KSR1: variants seen among roughly 807,000 people sequenced by gnomAD.
The protein encoded by KSR1 is kinase suppressor of ras.
Under a neutral mutation model 92.9 loss-of-function variants are expected in KSR1, and 35 were observed. That is an observed-to-expected ratio of 0.38 (90% CI 0.29 to 0.50). The LOEUF (loss-of-function observed/expected upper bound fraction) is 0.50. Ranked by LOEUF, KSR1 falls within the 20% of genes least tolerant of loss-of-function variation. KSR1 has a pLI of 0.94. For synonymous variants in KSR1, 467 were observed against 472.6 expected, an observed-to-expected ratio of 0.99 and a Z score of 0.15; for missense variants, 972 against 1,158.5, an observed-to-expected ratio of 0.84 and a Z score of 2.34.
At chr17:27,520,563 C>G (rs562837646) in intron 1 of KSR1, among the ~76,000 whole-genome samples, 17 of 152,358 alleles carry the variant, frequency 1.1e-4, no homozygotes, top group Non-Finnish European at 1.6e-4. Flanking sequence ...AAATAAAATG[C>G]TAATCGTGCC....
At chr17:27,530,496 A>C (rs1362820188) in intron 1 of KSR1, among the ~76,000 whole-genome samples, 2 of 151,880 alleles carry the variant, frequency 1.3e-5, no homozygotes, top group Admixed American at 1.3e-4. Context: ...AGCAAAGCCG[A>C]CCTTAGTGGT....
At chr17:27,565,626 T>C (rs753942277) in intron 2 of KSR1, among the ~76,000 whole-genome samples, 3 of 152,176 alleles carry the variant, frequency 2.0e-5, no homozygotes, top group Non-Finnish European at 4.4e-5. Context: ...GCTTTTGCCA[T>C]GTTGCCCAGG....
At chr17:27,547,827 C>T (rs541119345) in intron 1 of KSR1, among the ~76,000 whole-genome samples, 17 of 152,308 alleles carry the variant, frequency 1.1e-4, no homozygotes, top group African/African-American at 3.6e-4. Context: ...ATTCTCCTGC[C>T]TCAGCCTCCC....
intron 1 of KSR1, among the ~76,000 whole-genome samples, chr17:27,526,010 T>TTCTTTTCTTTTCTTTTCTTA (rs2070252245): frequency 1.0e-5 from 1 of 97,040 alleles, no homozygotes; most frequent in Non-Finnish European, 1.9e-5. Context: ...TTCTTTTCTT[T>TTCTTTTCTTTTCTTTTCTTA]TCTTTTCTTT....
chr17:27,507,461 TTTTATA>T (rs1555572032), intron 1 of KSR1, among the ~76,000 whole-genome samples: 1 of 151,852 alleles, frequency 6.6e-6, no homozygotes, highest in Non-Finnish European at 1.5e-5. Flanking sequence ...ATTTTTAATG[TTTTATA>T]TTTATTTTTG....
intron 9 of KSR1, among the ~76,000 whole-genome samples, chr17:27,593,672 G>A (rs1427429244): frequency 2.6e-5 from 4 of 152,156 alleles, no homozygotes; most frequent in African/African-American, 7.2e-5. Context: ...CCTGCCTCTC[G>A]TTTCCCTCTG....
At chr17:27,505,665 G>T (rs2069353093) in intron 1 of KSR1, among the ~76,000 whole-genome samples, 2 of 152,200 alleles carry the variant, frequency 1.3e-5, no homozygotes, top group South Asian at 4.1e-4. Context: ...GAGAGTTATT[G>T]TGCGTCTTAA....
chr17:27,598,182 C>T (rs2073415281), intron 10 of KSR1, among the ~76,000 whole-genome samples: 1 of 152,218 alleles, frequency 6.6e-6, no homozygotes, highest in Admixed American at 6.5e-5. Flanking sequence ...CCTCGGCCTC[C>T]CTGGCAGCTC....
chr17:27,513,512 G>C (rs1338621136), intron 1 of KSR1, among the ~76,000 whole-genome samples: 1 of 152,148 alleles, frequency 6.6e-6, no homozygotes, highest in African/African-American at 2.4e-5. Flanking sequence ...CACTTGTGTT[G>C]GGTGTACCTG....
chr17:27,496,208 T>G (rs1284344339), intron 1 of KSR1, among the ~76,000 whole-genome samples: 1 of 151,878 alleles, frequency 6.6e-6, no homozygotes, highest in East Asian at 1.9e-4. Flanking sequence ...CCGGGTGGCG[T>G]TTTTGTGTTT....
At chr17:27,510,070 C>G (rs1438010341) in intron 1 of KSR1, among the ~76,000 whole-genome samples, 1 of 152,216 alleles carries the variant, frequency 6.6e-6, no homozygotes, top group Non-Finnish European at 1.5e-5. Flanking sequence ...CACTTGGGAA[C>G]TGGGGAATCT....
intron 9 of KSR1, 36 bp from the exon 10 acceptor site, chr17:27,597,232 A>G (rs2073373687): frequency 6.4e-7 from 1 of 1,551,920 alleles, no homozygotes; most frequent in Non-Finnish European, 8.7e-7. Flanking sequence ...TGGGGCCAGG[A>G]CAGCCCTGCC....
In KSR1 at chr17:27,608,111, G is replaced by A. The variant is rs959271721; in HGVS notation, c.2091+101G>A. On this transcript the variant is annotated intron_variant, in intron 15 of 20. Coordinates refer to ENST00000644974, the MANE Select transcript of KSR1 (RefSeq NM_001394583.1). Reference sequence around the variant, plus strand: ...ACTCCCTGTTAGGGTGGTTTGGGCAGCTTTGCCTCTCCTTCTAGCTCAGGC... The same window carrying A: ...ACTCCCTGTTAGGGTGGTTTGGGCAACTTTGCCTCTCCTTCTAGCTCAGGC... 6.0e-5 allele frequency: 47 copies of A among 787,596 alleles called. No individual in the cohort carries two copies. In the Admixed American group the frequency reaches 7.8e-4, roughly 13 times the overall value. The allele number at this position is 787,596 out of a possible 1,614,324, so 48.8% of individuals were successfully genotyped here. A position where few individuals can be genotyped will look rare whatever the true frequency, so the allele number is the denominator to read the frequency against.
At chr17:27,474,386 A>G (rs147078538) in intron 1 of KSR1, among the ~76,000 whole-genome samples, 132 of 152,314 alleles carry the variant, frequency 8.7e-4, no homozygotes, top group Middle Eastern at 3.4e-3. Flanking sequence ...GGTGGCTTCT[A>G]TCTTTGGATG....
Position 27,526,094 on chromosome 17 carries a change from T to TTCTTTCTTTC in KSR1, c.232-24471_232-24470insTTCTTTCTCT, listed in dbSNP as rs55706224. Among the ~76,000 whole-genome samples, 403 of 118,436 alleles carry TTCTTTCTTTC rather than the reference T, an allele frequency of 3.4e-3. 2 individuals carry two copies. Among genetic ancestry groups the TTCTTTCTTTC allele is most frequent in the South Asian group, 5.4e-3 (20 of 3,682 alleles). The allele number at this position is 118,436 out of a possible 152,430, so 77.7% of individuals were successfully genotyped here. On this transcript the variant is annotated intron_variant, in intron 1 of 20. Transcript: ENST00000644974. ...TCTCTTTCTTTCTTTCTTTCTTTCT[T>TTCTTTCTTTC]TCTCTCTCTCTCTCTCTCTCTCTCA...
chr17:27,460,766 A>T (rs2019397219), intron 1 of KSR1, among the ~76,000 whole-genome samples: 1 of 152,024 alleles, frequency 6.6e-6, no homozygotes, highest in African/African-American at 2.4e-5. Flanking sequence ...CTGATGATGG[A>T]ACTGCTGGGA....
At chr17:27,491,339 GTGTGTGTGTGTGT>G (rs1245107271) in intron 1 of KSR1, among the ~76,000 whole-genome samples, 1 of 106,016 alleles carries the variant, frequency 9.4e-6, no homozygotes, top group Non-Finnish European at 2.0e-5. Context: ...GTGTGTGTGT[GTGTGTGTGTGTGT>G]TGGGGGTGGG....
chr17:27,614,275 T>C (rs1213191986), intron 18 of KSR1, among the ~76,000 whole-genome samples: 5 of 152,260 alleles, frequency 3.3e-5, no homozygotes, highest in Admixed American at 6.5e-5. Flanking sequence ...ATGTAACTAC[T>C]TCTGTCACTG....
intron 18 of KSR1, among the ~76,000 whole-genome samples, chr17:27,614,200 C>T (rs973485976): frequency 6.6e-6 from 1 of 152,130 alleles, no homozygotes; most frequent in African/African-American, 2.4e-5. Flanking sequence ...TGCTCATTAC[C>T]TCAAATCATT....
Sources: allele counts gnomAD v4.1 joint callset (sites outside exome capture counted in the v4.1 genomes callset), GRCh38; gene constraint gnomAD v4.1.1; transcripts MANE v1.5; gene names NCBI Gene and HGNC (gene_info 2026-07-23, HGNC 2026-07-21).